Variants in URB1 observed in about 807,000 individuals in gnomAD.
URB1 encodes nucleolar pre-ribosomal-associated protein 1.
Under a neutral mutation model 242.3 loss-of-function variants are expected in URB1, and 197 were observed. The observed-to-expected ratio is 0.81, with a 90% CI of 0.72 to 0.91. The LOEUF (loss-of-function observed/expected upper bound fraction) is 0.91, where lower values mean the gene tolerates loss of function less well. Among genes scored for constraint, URB1 ranks in the 40% least tolerant of loss-of-function variants. The pLI is 0.00. For missense variants in URB1, 2,721 were observed against 2,860.5 expected, an observed-to-expected ratio of 0.95 and a Z score of 1.11; for synonymous variants, 1,153 against 1,201.8, an observed-to-expected ratio of 0.96 and a Z score of 0.84.
intron 18 of URB1, among the ~76,000 whole-genome samples, 174 bp downstream of exon 18, chr21:32,353,759 C>T (rs1010913941): frequency 1.3e-5 from 2 of 152,214 alleles, no homozygotes; most frequent in Admixed American, 6.5e-5. Context: ...CCCCAAGATC[C>T]CTCCCACTGT....
rs377669608 is a variant in URB1 at position 32,383,504 on chromosome 21, G to C, written c.485C>G (p.Pro162Arg). 3 of 1,551,526 alleles carry C rather than the reference G, an allele frequency of 1.9e-6. No homozygotes were observed. The highest frequency in any genetic ancestry group is 2.4e-5 in the East Asian group (1 of 40,892). The change falls in exon 4 of 39, where the codon CCG (proline) becomes CGG (arginine). Residue 162 changes from proline to arginine, a missense_variant. Pro to Arg is a moderately radical substitution (Grantham distance 103). Coordinates refer to ENST00000382751, the MANE Select transcript of URB1 (RefSeq NM_014825.3). Reference sequence around the variant, plus strand: ...GCTGCAGACGTCCCTGGCAGCTTCCGGACCCTGGGTCACCATGGCGGTCAT... The same window carrying C: ...GCTGCAGACGTCCCTGGCAGCTTCCCGACCCTGGGTCACCATGGCGGTCAT... ...SLMTAMVTQG[P>R]EAARDVCSHF...
intron 26 of URB1, 69 bp downstream of exon 26, chr21:32,338,638 G>T: frequency 6.6e-7 from 1 of 1,512,174 alleles, no homozygotes; most frequent in Non-Finnish European, 9.0e-7. Context: ...GAGCCTCAGT[G>T]CAGCCAGTGT....
At chr21:32,352,339 T>G (rs536850972) in intron 19 of URB1, among the ~76,000 whole-genome samples, 2 of 152,266 alleles carry the variant, frequency 1.3e-5, no homozygotes, top group African/African-American at 4.8e-5. Context: ...CTGAGCACAG[T>G]TTGTCTAGGG....
At position 32,316,622 on chromosome 21, in the gene URB1, C is replaced by T; in HGVS notation, c.6478G>A (p.Glu2160Lys). The T allele has an allele frequency of 6.4e-7, 1 of 1,551,632 alleles. No individual in the cohort carries two copies. The highest frequency in any genetic ancestry group is 8.7e-7 in the Non-Finnish European group (1 of 1,146,988). ...FRLYSRLCGAEGLAGPVQEVA... is the reference protein window; with the variant it reads ...FRLYSRLCGAKGLAGPVQEVA... ...TCCTGCACAGGCCCTGCCAGCCCCTCAGCCCCACAGAGCCGGCTATACAGC... is the reference window on the plus strand; with the variant it reads ...TCCTGCACAGGCCCTGCCAGCCCCTTAGCCCCACAGAGCCGGCTATACAGC... Residue 2160 changes from glutamate (E) to lysine (K), a missense_variant, in exon 38 of 39, where the codon GAG becomes AAG. Transcript: ENST00000382751.
intron 22 of URB1, 78 bp from the exon 23 acceptor site, chr21:32,345,653 G>T (rs1373041127): frequency 4.3e-6 from 6 of 1,408,768 alleles, no homozygotes; most frequent in Non-Finnish European, 5.7e-6. Context: ...CCTAGGAACT[G>T]GTTGCTATAT....
At chr21:32,376,639 AT>A in intron 5 of URB1, among the ~76,000 whole-genome samples, 1 of 152,128 alleles carries the variant, frequency 6.6e-6, no homozygotes, top group East Asian at 1.9e-4. Context: ...TAAGTGCAGC[AT>A]GTTTTTTTTC....
intron 5 of URB1, 125 bp from the exon 6 acceptor site, chr21:32,375,608 T>TA (rs2033450410): frequency 8.9e-6 from 5 of 563,826 alleles, no homozygotes; most frequent in East Asian, 3.4e-5. Context: ...TTTTTTTTTT[T>TA]AACTATACAA....
Position 32,361,187 on chromosome 21 carries a change from G to GAAAGAAAGAAAGAAAGA in URB1, c.1640-81_1640-65dup, listed in dbSNP as rs1568825004. Reference sequence around the variant, plus strand: ...AGAAAGAAAGAAAGAAAGAAAGAAAGAAAGAAAGAAAGAAAGAAAATAGCT... The same window carrying GAAAGAAAGAAAGAAAGA: ...AGAAAGAAAGAAAGAAAGAAAGAAAGAAAGAAAGAAAGAAAGAAAAGAAAGAAAGAAAGAAAATAGCT... On this transcript the variant is annotated intron_variant, in intron 12 of 38. Coordinates refer to ENST00000382751, the MANE Select transcript of URB1 (RefSeq NM_014825.3). 7.1e-6 allele frequency: 6 copies of GAAAGAAAGAAAGAAAGA among 843,094 alleles called. 1 individual carries two copies. Among genetic ancestry groups the GAAAGAAAGAAAGAAAGA allele is most frequent in the Admixed American group, 3.1e-5 (1 of 32,652 alleles). The allele number at this position is 843,094 out of a possible 1,614,324, so 52.2% of individuals were successfully genotyped here. A position where few individuals can be genotyped will look rare whatever the true frequency, so the allele number is the denominator to read the frequency against.
chr21:32,359,127 G>A (rs2033257036), intron 14 of URB1, among the ~76,000 whole-genome samples: 1 of 152,082 alleles, frequency 6.6e-6, no homozygotes, highest in African/African-American at 2.4e-5. Flanking sequence ...CCATACTACT[G>A]GTTCCATATA....
In URB1 at chr21:32,385,651, A is replaced by G. The variant is rs751163266; in HGVS notation, c.176T>C (p.Leu59Pro). ...LEAFVSAAKKLPREDVYDVVE... is the reference protein window; with the variant it reads ...LEAFVSAAKKPPREDVYDVVE... Reference sequence around the variant, plus strand: ...AACATCATACACATCTTCTCGTGGTAGCTTCTTGGCAGCAGACACAAACGC... The same window carrying G: ...AACATCATACACATCTTCTCGTGGTGGCTTCTTGGCAGCAGACACAAACGC... The change falls in exon 2 of 39, where the codon CTA becomes CCA. Residue 59 changes from leucine to proline, a missense_variant. Coordinates refer to ENST00000382751, the MANE Select transcript of URB1 (RefSeq NM_014825.3). The G allele has an allele frequency of 7.1e-6, 11 of 1,551,744 alleles. No individual in the cohort carries two copies. The highest frequency in any genetic ancestry group is 3.3e-4 in the Middle Eastern group (2 of 5,992).
Position 32,314,452 on chromosome 21 carries a change from T to C in URB1, c.*466A>G. ...CACCCGCCTTGGCCTCCCAAAGTGC[T>C]GGGATTATAGGCGTGAGCCACCTCA... On this transcript the variant is annotated 3_prime_UTR_variant, in exon 39 of 39. Coordinates refer to ENST00000382751, the MANE Select transcript of URB1 (RefSeq NM_014825.3). 1 of 1,119,316 alleles carries C rather than the reference T, an allele frequency of 8.9e-7. No individual in the cohort carries two copies. Among genetic ancestry groups the C allele is most frequent in the Non-Finnish European group, 1.4e-6 (1 of 740,148 alleles). The allele number at this position is 1,119,316 out of a possible 1,614,324, so 69.3% of individuals were successfully genotyped here.
At chr21:32,328,000 A>C (rs941284417) in intron 30 of URB1, among the ~76,000 whole-genome samples, 1 of 152,244 alleles carries the variant, frequency 6.6e-6, no homozygotes, top group African/African-American at 2.4e-5. Flanking sequence ...AGATTAGATA[A>C]AAAGCAGAAC....
chr21:32,383,238 C>G (rs1046843705), intron 4 of URB1, among the ~76,000 whole-genome samples, 184 bp downstream of exon 4: 1 of 152,238 alleles, frequency 6.6e-6, no homozygotes, highest in Non-Finnish European at 1.5e-5. Flanking sequence ...CTGGCCCTAT[C>G]GCCAGCCTGA....
At chr21:32,338,419 G>A (rs372205656) in intron 26 of URB1, among the ~76,000 whole-genome samples, 1 of 152,046 alleles carries the variant, frequency 6.6e-6, no homozygotes, top group Non-Finnish European at 1.5e-5. Flanking sequence ...ACTTCCCCTC[G>A]ATCCCAGATT....
At chr21:32,338,217 AC>A (rs2032984833) in intron 26 of URB1, among the ~76,000 whole-genome samples, 2 of 152,356 alleles carry the variant, frequency 1.3e-5, no homozygotes, top group South Asian at 4.1e-4. Flanking sequence ...ACCTGTGAGC[AC>A]TAAAGTGAAT....
Position 32,383,430 on chromosome 21 carries a change from C to A in URB1, c.559G>T (p.Asp187Tyr). ...CACTGTGGTCCCCTCACCTTTGAAT[C>A]CCTCTTGGTCACCAGGGTGTACAGG... is the stretch of plus-strand genomic sequence containing the variant. ...KTLYTLVTKR[D>Y]SKGVYDVRQA... is the part of the protein sequence containing the mutation. Residue 187 changes from aspartate to tyrosine, a missense_variant, in exon 4 of 39, where the codon GAT becomes TAT. Asp to Tyr is a radical substitution (Grantham distance 160). Transcript: ENST00000382751. 5 of 1,551,142 alleles carry A rather than the reference C, an allele frequency of 3.2e-6. No homozygotes were observed. Among genetic ancestry groups the A allele is most frequent in the Non-Finnish European group, 4.4e-6 (5 of 1,146,760 alleles).
chr21:32,362,235 T>G (rs1322515453), intron 11 of URB1, among the ~76,000 whole-genome samples: 1 of 151,724 alleles, frequency 6.6e-6, no homozygotes, highest in Non-Finnish European at 1.5e-5. Context: ...AGATGGAGTC[T>G]CACTCTGTCG....
chr21:32,380,944 A>C (rs2033516314), intron 4 of URB1, among the ~76,000 whole-genome samples: 1 of 152,200 alleles, frequency 6.6e-6, no homozygotes, highest in African/African-American at 2.4e-5. Flanking sequence ...TCCCTCCAGC[A>C]ATGAATTTAT....
rs538225396 is a variant in URB1, at chr21:32,368,735, G to A, written c.1002-137C>T. 1.6e-4 allele frequency: 120 copies of A among 739,066 alleles called. 3 individuals carry two copies. The South Asian group carries it at 2.5e-3, about 15-fold the overall frequency. The allele number at this position is 739,066 out of a possible 1,614,324, so 45.8% of individuals were successfully genotyped here. On this transcript the variant is annotated intron_variant, in intron 8 of 38. Transcript: ENST00000382751. ...CAACGTAGGGAATTTCCCCCAGGACGTAAAGTGGGGGTTCCGTGGCCTGGG... is the reference window on the plus strand; with the variant it reads ...CAACGTAGGGAATTTCCCCCAGGACATAAAGTGGGGGTTCCGTGGCCTGGG...
Sources: allele counts gnomAD v4.1 joint callset (sites outside exome capture counted in the v4.1 genomes callset), GRCh38; gene constraint gnomAD v4.1.1; transcripts MANE v1.5; gene names NCBI Gene and HGNC (gene_info 2026-07-23, HGNC 2026-07-21).